Variants in PTPN2 observed in about 807,000 individuals in gnomAD.
PTPN2 encodes the protein protein tyrosine phosphatase non-receptor type 2, also known as tyrosine-protein phosphatase non-receptor type 2.
A neutral mutation model predicts 57.3 loss-of-function variants in PTPN2; 19 were observed. The ratio of observed to expected loss-of-function variants is 0.33; its 90% CI spans 0.23 to 0.49. The LOEUF is 0.49. Among genes scored for constraint, PTPN2 ranks in the 20% least tolerant of loss-of-function variants. The pLI, the probability that PTPN2 is intolerant of heterozygous loss-of-function variation, is 0.99. For missense variants in PTPN2, 358 were observed against 501.1 expected (o/e 0.71, Z 2.73); for synonymous variants, 153 against 164.9 (o/e 0.93, Z 0.55).
At chr18:12,804,289 CAAAAAAAAAA>C (rs59927276) in intron 7 of PTPN2, among the ~76,000 whole-genome samples, 3 of 67,868 alleles carry the variant, frequency 4.4e-5, no homozygotes, top group East Asian at 4.4e-4. Context: ...GAAACTGTCT[CAAAAAAAAAA>C]AAAAAAAAAA....
intron 7 of PTPN2, among the ~76,000 whole-genome samples, chr18:12,812,185 T>C (rs2041914285): frequency 6.6e-6 from 1 of 152,210 alleles, no homozygotes; most frequent in East Asian, 1.9e-4. Context: ...ATGCCTGACC[T>C]TGTGCTGAAA....
chr18:12,817,219 G>A lies in PTPN2; in HGVS notation c.642C>T (p.Ile214=). 6.2e-7 allele frequency: 1 copy of A among 1,614,156 alleles called. No homozygotes were observed. The highest frequency in any genetic ancestry group is 8.5e-7 in the Non-Finnish European group (1 of 1,180,032). The change falls in exon 6 of 9, where the codon ATC becomes ATT. Residue 214 remains isoleucine (I), a synonymous_variant. Transcript: ENST00000309660. ...SLNPDHGPAV[I]HCSAGIGRSG... is the part of the protein sequence containing the mutation. The stretch of plus-strand genomic sequence containing the variant: ...AGCGCCCAATGCCTGCACTACAGTG[G>A]ATCACCGCAGGCCCATGGTCAGGGT...
intron 4 of PTPN2, 150 bp from the exon 5 acceptor site, chr18:12,826,094 T>C (rs2042445468): frequency 1.6e-6 from 1 of 632,658 alleles, no homozygotes; most frequent in Non-Finnish European, 2.6e-6. Context: ...CTACGCTTAA[T>C]GTATTTTAGT....
intron 7 of PTPN2, among the ~76,000 whole-genome samples, chr18:12,811,476 G>A (rs989144237): frequency 3.3e-5 from 5 of 151,906 alleles, no homozygotes; most frequent in Admixed American, 1.3e-4. Context: ...GAAAGCACTC[G>A]GCAGAGAGAG....
chr18:12,802,701 C>G (rs1408595688), intron 7 of PTPN2, among the ~76,000 whole-genome samples: 1 of 152,154 alleles, frequency 6.6e-6, no homozygotes, highest in Non-Finnish European at 1.5e-5. Flanking sequence ...CAAGAAAGAA[C>G]AGACTGTAGA....
chr18:12,817,070 CA>C (rs2042101735), intron 6 of PTPN2, 85 bp downstream of exon 6: 1 of 1,260,244 alleles, frequency 7.9e-7, no homozygotes, highest in Middle Eastern at 1.9e-4. Context: ...TTCTGGGATA[CA>C]GCATCAGAGT....
chr18:12,875,767 C>T (rs1423450499), intron 1 of PTPN2, among the ~76,000 whole-genome samples: 1 of 151,992 alleles, frequency 6.6e-6, no homozygotes, highest in African/African-American at 2.4e-5. Flanking sequence ...TATTTGGAGA[C>T]CAAAGGGAAG....
intron 2 of PTPN2, among the ~76,000 whole-genome samples, chr18:12,849,524 A>T (rs1291349773): frequency 2.6e-5 from 4 of 152,084 alleles, no homozygotes; most frequent in Non-Finnish European, 4.4e-5. Flanking sequence ...GTGCCACCGC[A>T]CTCCAGCCTA....
chr18:12,833,761 G>GA (rs908151831), intron 3 of PTPN2, among the ~76,000 whole-genome samples: 23 of 152,132 alleles, frequency 1.5e-4, no homozygotes, highest in African/African-American at 5.3e-4. Flanking sequence ...AGAGAGCTCT[G>GA]AAAAAAGCGA....
intron 7 of PTPN2, among the ~76,000 whole-genome samples, chr18:12,809,250 T>C (rs1315087537): frequency 2.6e-5 from 4 of 152,108 alleles, no homozygotes; most frequent in Admixed American, 6.6e-5. Context: ...TGGGAGACAG[T>C]TGTGATTAAT....
intron 2 of PTPN2, among the ~76,000 whole-genome samples, chr18:12,841,445 G>T (rs920735544): frequency 6.6e-6 from 1 of 152,204 alleles, no homozygotes; most frequent in Non-Finnish European, 1.5e-5. Flanking sequence ...CCAAGAAGAA[G>T]GCAACTTCAT....
At chr18:12,878,228 G>A (rs1372089588) in intron 1 of PTPN2, among the ~76,000 whole-genome samples, 2 of 150,344 alleles carry the variant, frequency 1.3e-5, no homozygotes, top group Non-Finnish European at 3.0e-5. Flanking sequence ...GAGGCAGGAG[G>A]ATGTCTAAAG....
At chr18:12,830,306 T>C (rs1308994503) in intron 4 of PTPN2, among the ~76,000 whole-genome samples, 3 of 152,114 alleles carry the variant, frequency 2.0e-5, no homozygotes, top group Non-Finnish European at 4.4e-5. Context: ...GCTAATTTTG[T>C]ATTTTTAGTA....
intron 1 of PTPN2, among the ~76,000 whole-genome samples, chr18:12,879,182 A>G (rs1598904715): frequency 6.6e-6 from 1 of 152,316 alleles, no homozygotes. Context: ...TCTGTCACCT[A>G]GTCTGTAGTG....
At chr18:12,870,907 CA>C (rs2044250095) in intron 1 of PTPN2, among the ~76,000 whole-genome samples, 1 of 152,028 alleles carries the variant, frequency 6.6e-6, no homozygotes, top group African/African-American at 2.4e-5. Flanking sequence ...TTAAACCGTA[CA>C]AAAGGGTATA....
chr18:12,882,438 G>A (rs534837011), intron 1 of PTPN2, among the ~76,000 whole-genome samples: 2 of 152,136 alleles, frequency 1.3e-5, no homozygotes, highest in Non-Finnish European at 2.9e-5. Flanking sequence ...AATTTTCAAG[G>A]ATATTAATGA....
chr18:12,801,851 G>C lies in PTPN2; in HGVS notation c.1040+119C>G, dbSNP rs919303635. The C allele has an allele frequency of 3.0e-6, 3 of 995,720 alleles. No individual in the cohort carries two copies. In the Admixed American group the frequency reaches 7.1e-5, roughly 24 times the overall value. 61.7% of individuals were successfully genotyped at this position (995,720 alleles called of 1,614,324 possible). A position where few individuals can be genotyped will look rare whatever the true frequency, so the allele number is the denominator to read the frequency against. On this transcript the variant is annotated intron_variant, in intron 8 of 8. Transcript: ENST00000309660. ...CCCAAAGTGTTGAGATTACAGGCGT[G>C]ATTGTATTTTCCTAATATAAAAATT... is the stretch of plus-strand genomic sequence containing the variant.
intron 1 of PTPN2, among the ~76,000 whole-genome samples, chr18:12,867,029 CA>C (rs71174146): frequency 0.25 from 33,832 of 133,220 alleles, 4,670 homozygotes; most frequent in African/African-American, 0.42. Flanking sequence ...AACAAACAAA[CA>C]AAAAAAAAAA....
chr18:12,868,181 A>G (rs1485878825), intron 1 of PTPN2, among the ~76,000 whole-genome samples: 1 of 152,182 alleles, frequency 6.6e-6, no homozygotes, highest in Admixed American at 6.6e-5. Flanking sequence ...CTTCCAGTGC[A>G]TGGGATTACA....
Sources: gnomAD v4.1 joint callset for allele counts (sites outside exome capture counted in the v4.1 genomes callset) on GRCh38, gnomAD v4.1.1 for gene constraint, MANE v1.5 for transcripts, NCBI Gene and HGNC (gene_info 2026-07-23, HGNC 2026-07-21) for gene names.